NDFIP2: variants seen among roughly 807,000 people sequenced by gnomAD.
The protein encoded by NDFIP2 is Nedd4 family interacting protein 2, also known as NEDD4 family-interacting protein 2.
NDFIP2 carries 19 observed loss-of-function variants against 36.0 expected under a neutral mutation model. That is an observed-to-expected ratio of 0.53 (90% CI 0.37 to 0.77). NDFIP2 has a LOEUF of 0.77. Ranked by LOEUF, NDFIP2 falls within the 30% of genes least tolerant of loss-of-function variation. The pLI is 0.00. For synonymous variants in NDFIP2, 181 were observed against 167.7 expected (o/e 1.08, Z -0.61); for missense variants, 446 against 435.8 (o/e 1.02, Z -0.21).
At chr13:79,493,428 A>G (rs902232515) in intron 1 of NDFIP2, among the ~76,000 whole-genome samples, 1 of 152,210 alleles carries the variant, frequency 6.6e-6, no homozygotes, top group Non-Finnish European at 1.5e-5. Context: ...GTATTTTTGA[A>G]TAATTCCTCT....
intron 2 of NDFIP2, 152 bp downstream of exon 2, chr13:79,521,127 A>G (rs1014591252): frequency 3.1e-6 from 2 of 637,044 alleles, no homozygotes; most frequent in Non-Finnish European, 5.2e-6. Flanking sequence ...ATATAAATAT[A>G]CAGATGTATA....
chr13:79,490,356 T>C (rs572488007), intron 1 of NDFIP2, among the ~76,000 whole-genome samples: 21 of 152,312 alleles, frequency 1.4e-4, no homozygotes, highest in African/African-American at 5.1e-4. Context: ...ACCCCAATCA[T>C]GGATTCCTCC....
At position 79,493,559 on chromosome 13, in the gene NDFIP2, C is replaced by T. The variant is rs1346268101; in HGVS notation, c.321+12035C>T. 2.6e-5 allele frequency among the ~76,000 whole-genome samples: 4 copies of T among 152,070 alleles called. No homozygotes were observed. In the East Asian group the frequency reaches 7.7e-4, roughly 29 times the overall value. ...TGGAAATAGGGGAGTCCTTAATGATCATTTTCTTCAATCTTCTCATTTTAC... is the reference window on the plus strand; with the variant it reads ...TGGAAATAGGGGAGTCCTTAATGATTATTTTCTTCAATCTTCTCATTTTAC... On this transcript the variant is annotated intron_variant, in intron 1 of 7. Coordinates refer to ENST00000218652, the MANE Select transcript of NDFIP2 (RefSeq NM_019080.3).
chr13:79,495,813 A>T (rs1873414239), intron 1 of NDFIP2, among the ~76,000 whole-genome samples: 1 of 151,806 alleles, frequency 6.6e-6, no homozygotes, highest in African/African-American at 2.4e-5. Flanking sequence ...TTATGAAAAA[A>T]GTTTTAGTGT....
intron 3 of NDFIP2, among the ~76,000 whole-genome samples, chr13:79,535,541 C>T (rs998000783): frequency 2.6e-5 from 4 of 152,198 alleles, no homozygotes; most frequent in African/African-American, 9.6e-5. Flanking sequence ...TCATTGTAAC[C>T]CCAGCTTGTG....
intron 5 of NDFIP2, among the ~76,000 whole-genome samples, chr13:79,544,342 C>G (rs955110123): frequency 6.6e-6 from 1 of 152,092 alleles, no homozygotes; most frequent in Non-Finnish European, 1.5e-5. Context: ...CAAGATAGTG[C>G]GTAGGGAGAC....
intron 3 of NDFIP2, among the ~76,000 whole-genome samples, chr13:79,538,495 T>C (rs1194523772): frequency 6.6e-6 from 1 of 152,164 alleles, no homozygotes; most frequent in African/African-American, 2.4e-5. Flanking sequence ...GTAAATATGC[T>C]GGTTCCAAAA....
At chr13:79,528,372 T>G (rs1180404168) in intron 2 of NDFIP2, among the ~76,000 whole-genome samples, 1 of 152,192 alleles carries the variant, frequency 6.6e-6, no homozygotes, top group African/African-American at 2.4e-5. Context: ...TGTGTTCTTA[T>G]AAAAGAGTCA....
chr13:79,497,661 T>G (rs965935717), intron 1 of NDFIP2, among the ~76,000 whole-genome samples: 2 of 98,180 alleles, frequency 2.0e-5, no homozygotes, highest in Non-Finnish European at 4.0e-5. Context: ...GATTTCTGAG[T>G]TTTTTTTTTT....
chr13:79,494,143 T>A (rs1003815815), intron 1 of NDFIP2, among the ~76,000 whole-genome samples: 14 of 152,118 alleles, frequency 9.2e-5, no homozygotes, highest in African/African-American at 2.7e-4. Flanking sequence ...CCTACCCAAA[T>A]CATGATCTTT....
chr13:79,530,856 G>T (rs1196410711), intron 2 of NDFIP2, among the ~76,000 whole-genome samples: 3 of 152,044 alleles, frequency 2.0e-5, no homozygotes, highest in African/African-American at 7.2e-5. Flanking sequence ...CATCTATGAG[G>T]GTTGGAATCA....
rs759995574 is a variant in NDFIP2 at position 79,481,240 on chromosome 13, G to A, written c.37G>A (p.Gly13Ser). The part of the protein sequence containing the change: ...RRRSQRVCAS[G>S]PSMLNSARGA... ...GCGGAGCCAGCGAGTCTGCGCGAGC[G>A]GTCCGAGCATGCTCAATAGCGCGCG... Residue 13 changes from glycine to serine, a missense_variant, in exon 1 of 8, where the codon GGT (glycine) becomes AGT (serine). Around this residue, in one of 2 missense-constraint regions of NDFIP2, gnomAD observed 369 missense variants for 304.8 expected, o/e 1.21. Coordinates refer to ENST00000218652, the MANE Select transcript of NDFIP2 (RefSeq NM_019080.3). 6.6e-7 allele frequency: 1 copy of A among 1,524,558 alleles called. No individual in the cohort carries two copies. The highest frequency in any genetic ancestry group is 8.8e-7 in the Non-Finnish European group (1 of 1,141,224). The allele number at this position is 1,524,558 out of a possible 1,614,324, so 94.4% of individuals were successfully genotyped here.
rs2137124540 is a variant in NDFIP2, at chr13:79,554,663, G to A, written c.*2150G>A. 1.3e-5 allele frequency: 2 copies of A among 151,918 alleles called. No homozygotes were observed. The highest frequency in any genetic ancestry group is 4.1e-4 in the South Asian group (2 of 4,828). 9.4% of individuals were successfully genotyped at this position (151,918 alleles called of 1,614,324 possible). On this transcript the variant is annotated 3_prime_UTR_variant, in exon 8 of 8. Transcript: ENST00000218652. ...AGAATGTTATTTTCAAGAACTTAAT[G>A]TTCCCTTCAGATATATAAAATCCTG...
chr13:79,493,593 A>C (rs542052056), intron 1 of NDFIP2, among the ~76,000 whole-genome samples: 18 of 152,260 alleles, frequency 1.2e-4, no homozygotes, highest in African/African-American at 3.6e-4. Context: ...ACAGAAGACT[A>C]TCCGAGGGAG....
intron 4 of NDFIP2, among the ~76,000 whole-genome samples, chr13:79,542,981 A>G (rs917431512): frequency 6.6e-6 from 1 of 151,776 alleles, no homozygotes; most frequent in Non-Finnish European, 1.5e-5. Flanking sequence ...GGTTCAAGCA[A>G]TTCTCCTGCC....
intron 6 of NDFIP2, among the ~76,000 whole-genome samples, chr13:79,548,759 CTTA>C (rs1555358827): frequency 1.3e-5 from 2 of 151,924 alleles, no homozygotes; most frequent in Non-Finnish European, 2.9e-5. Flanking sequence ...TATCTGTTCT[CTTA>C]TTTTTTGATC....
In NDFIP2 at chr13:79,533,361, C is replaced by G; in HGVS notation, c.526C>G (p.Pro176Ala). 6.2e-7 allele frequency: 1 copy of G among 1,611,056 alleles called. No homozygotes were observed. Among genetic ancestry groups the G allele is most frequent in the Non-Finnish European group, 8.5e-7 (1 of 1,178,298 alleles). ...VYGEFYPVPP[P>A]YSVATSLPTY... ...CGGTGAGTTTTATCCCGTGCCACCT[C>G]CCTATAGCGTTGCTACCTCTCTTCC... Residue 176 changes from proline to alanine, a missense_variant, in exon 3 of 8, where the codon CCC (proline) becomes GCC (alanine). Around this residue, in one of 2 missense-constraint regions of NDFIP2, gnomAD observed 369 missense variants for 304.8 expected, o/e 1.21. Transcript: ENST00000218652.
intron 2 of NDFIP2, among the ~76,000 whole-genome samples, chr13:79,523,716 C>T (rs936957624): frequency 5.9e-5 from 9 of 152,096 alleles, no homozygotes; most frequent in African/African-American, 2.2e-4. Context: ...TGATAAAATG[C>T]TTATATGATG....
At chr13:79,524,108 C>G (rs9545130) in intron 2 of NDFIP2, among the ~76,000 whole-genome samples, 6 of 152,118 alleles carry the variant, frequency 3.9e-5, no homozygotes, top group Admixed American at 2.6e-4. Context: ...GTTACTGATT[C>G]TGCTTCATTT....
Sources: gnomAD v4.1 joint callset for allele counts (sites outside exome capture counted in the v4.1 genomes callset) on GRCh38, gnomAD v4.1.1 for gene constraint, gnomAD v4.1.1 regional missense constraint, MANE v1.5 for transcripts, NCBI Gene and HGNC (gene_info 2026-07-23, HGNC 2026-07-21) for gene names.